Variants in TSPEAR observed in about 807,000 individuals in gnomAD.
TSPEAR encodes thrombospondin-type laminin G domain and EAR repeat-containing protein.
A neutral mutation model predicts 71.6 loss-of-function variants in TSPEAR; 69 were observed. The observed-to-expected ratio is 0.96, with a 90% CI of 0.79 to 1.18. The LOEUF (loss-of-function observed/expected upper bound fraction) is 1.18. Ranked by LOEUF, TSPEAR falls within the 50% of genes most tolerant of loss-of-function variation. The probability of loss-of-function intolerance (pLI) is 0.00; values close to 1 mark genes in which losing one functional copy is unlikely to be tolerated. For missense variants in TSPEAR, 971 were observed against 894.9 expected, an observed-to-expected ratio of 1.09 and a Z score of -1.09; for synonymous variants, 402 against 387.2, an observed-to-expected ratio of 1.04 and a Z score of -0.45.
At chr21:44,680,070 A>T (rs911885724) in intron 1 of TSPEAR, among the ~76,000 whole-genome samples, 12 of 152,240 alleles carry the variant, frequency 7.9e-5, no homozygotes, top group Non-Finnish European at 1.3e-4. Flanking sequence ...TCTGCACAGC[A>T]AACGGAACAA....
intron 1 of TSPEAR, among the ~76,000 whole-genome samples, chr21:44,635,691 C>T (rs782538483): frequency 1.2e-4 from 19 of 152,106 alleles, no homozygotes; most frequent in African/African-American, 1.9e-4. Context: ...GGGGTTCCTT[C>T]GGGAGCGATG....
chr21:44,525,980 G>A (rs1430139642), intron 7 of TSPEAR, 141 bp from the exon 8 acceptor site: 13 of 750,926 alleles, frequency 1.7e-5, no homozygotes, highest in Non-Finnish European at 2.2e-5. Context: ...CGAGGCCCCC[G>A]CATTACAGGT....
At position 44,525,716 on chromosome 21, in the gene TSPEAR, G is replaced by T. The variant is rs373393537; in HGVS notation, c.1273C>A (p.Arg425=). Residue 425 remains arginine, a synonymous_variant, in exon 8 of 12, where the codon CGA becomes AGA. Coordinates refer to ENST00000323084, the MANE Select transcript of TSPEAR (RefSeq NM_144991.3). ...PYQSIATHSA[R]DWEAFEVDGE... ...TCCACCTCGAAGGCCTCCCAGTCTC[G>T]GGCGCTGTGTGTGGCAATGCTCTGA... is the stretch of plus-strand genomic sequence containing the variant. The T allele has an allele frequency of 4.3e-6, 7 of 1,614,042 alleles. No individual in the cohort carries two copies. The highest frequency in any genetic ancestry group is 1.3e-5 in the African/African-American group (1 of 74,906).
At chr21:44,694,995 G>A (rs1267428862) in intron 1 of TSPEAR, among the ~76,000 whole-genome samples, 10 of 152,128 alleles carry the variant, frequency 6.6e-5, no homozygotes, top group African/African-American at 1.9e-4. Flanking sequence ...AAGGGGGGTC[G>A]TGCTTTGCCC....
At chr21:44,503,465 G>A (rs587676011) in intron 11 of TSPEAR, among the ~76,000 whole-genome samples, 639 of 134,312 alleles carry the variant, frequency 4.8e-3, no homozygotes, top group African/African-American at 0.017. Context: ...AGCCGGCCTC[G>A]GTGAGCCCTC....
At chr21:44,581,416 A>C (rs1978962129) in intron 1 of TSPEAR, among the ~76,000 whole-genome samples, 2 of 152,160 alleles carry the variant, frequency 1.3e-5, no homozygotes, top group South Asian at 4.1e-4. Flanking sequence ...TATTATTATA[A>C]ATAATAACAA....
intron 1 of TSPEAR, among the ~76,000 whole-genome samples, chr21:44,603,471 C>T (rs409239): frequency 0.74 from 112,955 of 152,024 alleles, 47,291 homozygotes; most frequent in Non-Finnish European, 0.94. Flanking sequence ...TCCTCCTCTG[C>T]GGATCCCAGA....
intron 7 of TSPEAR, 120 bp downstream of exon 7, chr21:44,527,172 G>C (rs2052873306): frequency 1.1e-6 from 1 of 919,320 alleles, no homozygotes. Context: ...TTTACCGCCT[G>C]AACGAGGTGA....
chr21:44,627,008 T>C, intron 1 of TSPEAR: 1 of 1,147,488 alleles, frequency 8.7e-7, no homozygotes. Flanking sequence ...AGACGCCGCC[T>C]CTCAGCAACA....
intron 2 of TSPEAR, among the ~76,000 whole-genome samples, chr21:44,536,733 G>A (rs1192267460): frequency 6.6e-6 from 1 of 152,164 alleles, no homozygotes; most frequent in Non-Finnish European, 1.5e-5. Context: ...GATTGGAAAT[G>A]AGAAGTTAAA....
intron 1 of TSPEAR, among the ~76,000 whole-genome samples, chr21:44,669,779 A>G (rs951128727): frequency 7.2e-5 from 11 of 152,198 alleles, no homozygotes; most frequent in Non-Finnish European, 1.5e-4. Flanking sequence ...TTGCCCCAGC[A>G]GTCCCACCCC....
Position 44,612,827 on chromosome 21 carries a change from G to C in TSPEAR, c.83-44822C>G, listed in dbSNP as rs1981806535. 1.2e-6 allele frequency: 2 copies of C among 1,612,386 alleles called. No homozygotes were observed. Among genetic ancestry groups the C allele is most frequent in the Non-Finnish European group, 1.7e-6 (2 of 1,179,718 alleles). ...CTGCCAGCCCAGCTGCTGCCACCCG[G>C]CCTCCTGCCTGTCCTTCCTCTGCCG... On this transcript the variant is annotated intron_variant, in intron 1 of 11. Transcript: ENST00000323084. The surrounding 1 kb of genome is among the most constrained non-coding windows in gnomAD (Gnocchi z 4.1).
Position 44,647,665 on chromosome 21 carries a change from C to T in TSPEAR, c.82+63768G>A, listed in dbSNP as rs117351209. On this transcript the variant is annotated intron_variant, in intron 1 of 11. Coordinates refer to ENST00000323084, the MANE Select transcript of TSPEAR (RefSeq NM_144991.3). ...GAGTCAGGAAATACGGGCTGGTGTG[C>T]ACTTTCTGCTCTTCCCCTGAGCCCC... The T allele has an allele frequency of 6.1e-3, 2,564 of 421,112 alleles. 17 individuals are homozygous for T. The highest frequency in any genetic ancestry group is 8.8e-3 in the Non-Finnish European group (1,942 of 219,848). 26.1% of individuals were successfully genotyped at this position (421,112 alleles called of 1,614,324 possible).
chr21:44,674,731 AGTGTGTGTGTGTGTGTGT>A lies in TSPEAR; in HGVS notation c.82+36684_82+36701del, dbSNP rs59452363. On this transcript the variant is annotated intron_variant, in intron 1 of 11. Coordinates refer to ENST00000323084, the MANE Select transcript of TSPEAR (RefSeq NM_144991.3). The stretch of plus-strand genomic sequence containing the variant: ...TGACAAAGGGAGACTCTGTCTTTAA[AGTGTGTGTGTGTGTGTGT>A]GTGTGTGTGTGTGTGTGTGTGTGTG... Among the ~76,000 whole-genome samples, 109 of 127,148 alleles carry A rather than the reference AGTGTGTGTGTGTGTGTGT, an allele frequency of 8.6e-4. 3 individuals are homozygous for A. The highest frequency in any genetic ancestry group is 4.0e-3 in the Middle Eastern group (1 of 250). The allele number at this position is 127,148 out of a possible 152,430, so 83.4% of individuals were successfully genotyped here.
chr21:44,707,594 C>G (rs1107120), intron 1 of TSPEAR, among the ~76,000 whole-genome samples: 99,914 of 151,804 alleles, frequency 0.66, 32,915 homozygotes, highest in Middle Eastern at 0.78. Flanking sequence ...GGGGGCGGAG[C>G]GGGGGAAAAG....
rs145793219 is a variant in TSPEAR, at chr21:44,642,952, C to T, written c.82+68481G>A. Among the ~76,000 whole-genome samples the T allele has an allele frequency of 1.7e-3, 255 of 152,314 alleles. 2 individuals carry two copies. The highest frequency in any genetic ancestry group is 5.7e-3 in the African/African-American group (238 of 41,562). On this transcript the variant is annotated intron_variant, in intron 1 of 11. Transcript: ENST00000323084. The surrounding 1 kb of genome is among the most constrained non-coding windows in gnomAD (Gnocchi z 4.1). ...AATTAAAGCCAGAGCTCAGAGATAC[C>T]TGCACTGCCATGCTAACTGCAGCAC...
chr21:44,590,108 C>G (rs1238842970), intron 1 of TSPEAR, among the ~76,000 whole-genome samples: 3 of 152,240 alleles, frequency 2.0e-5, no homozygotes, highest in Admixed American at 2.0e-4. Flanking sequence ...GTGCTGACCA[C>G]AGGGAGCTCC....
chr21:44,657,899 C>T, intron 1 of TSPEAR: 1 of 1,397,106 alleles, frequency 7.2e-7, no homozygotes. Flanking sequence ...GATGACAGGA[C>T]CCAGGTATAA....
intron 1 of TSPEAR, among the ~76,000 whole-genome samples, chr21:44,649,952 T>A (rs941483426): frequency 6.6e-6 from 1 of 152,154 alleles, no homozygotes; most frequent in Admixed American, 6.5e-5. Context: ...GGTCCAGACG[T>A]GGCGCATGCC....
Sources: gnomAD v4.1 joint callset for allele counts (sites outside exome capture counted in the v4.1 genomes callset) on GRCh38, gnomAD v4.1.1 for gene constraint, Gnocchi (gnomAD v3.1) non-coding constraint, MANE v1.5 for transcripts, NCBI Gene and HGNC (gene_info 2026-07-23, HGNC 2026-07-21) for gene names.